Variants in STXBP5L observed in about 807,000 individuals in gnomAD.
The protein encoded by STXBP5L is syntaxin binding protein 5L.
In STXBP5L, 65 loss-of-function variants were observed where a neutral mutation model predicts 144.5. That is an observed-to-expected ratio of 0.45 (90% CI 0.37 to 0.55). STXBP5L has a LOEUF of 0.55. Among genes scored for constraint, STXBP5L ranks in the 20% least tolerant of loss-of-function variants. The pLI, the probability that STXBP5L is intolerant of heterozygous loss-of-function variation, is 0.00. For missense variants in STXBP5L, 1,298 were observed against 1,405.5 expected, an observed-to-expected ratio of 0.92 and a Z score of 1.22; for synonymous variants, 505 against 469.6, an observed-to-expected ratio of 1.08 and a Z score of -0.97.
rs562213798 is a variant in STXBP5L, at chr3:120,951,490, C to T, written c.190-3450C>T. On this transcript the variant is annotated intron_variant, in intron 2 of 26. Transcript: ENST00000471454. ...ACAAACAACCCCATCAAAAAGTGGG[C>T]GAAGGACATGAACAGACACTTCTCA... is the stretch of plus-strand genomic sequence containing the variant. Among the ~76,000 whole-genome samples the T allele has an allele frequency of 1.6e-4, 25 of 151,878 alleles. No homozygotes were observed. The East Asian group carries it at 1.9e-3, about 12-fold the overall frequency.
intron 3 of STXBP5L, among the ~76,000 whole-genome samples, chr3:121,028,306 T>G (rs1292187287): frequency 6.6e-6 from 1 of 152,038 alleles, no homozygotes; most frequent in African/African-American, 2.4e-5. Flanking sequence ...TAGCAGAAAT[T>G]TTTGCAGTAT....
At position 121,318,526 on chromosome 3, in the gene STXBP5L, A is replaced by G; in HGVS notation, c.2162A>G (p.Lys721Arg). 6.4e-7 allele frequency: 1 copy of G among 1,561,592 alleles called. No individual in the cohort carries two copies. The highest frequency in any genetic ancestry group is 8.7e-7 in the Non-Finnish European group (1 of 1,153,464). The change falls in exon 20 of 27, where the codon AAG becomes AGG. Residue 721 changes from lysine to arginine, a missense_variant. By Grantham distance (26) the Lys-to-Arg change is conservative (BLOSUM62 2). Coordinates refer to ENST00000471454, the MANE Select transcript of STXBP5L (RefSeq NM_001308330.2). ...GTTCCCCTAGAACTTGAGCGCTGCA[A>G]GTCTCCTACCTCAGGTAAACATGAG... is the stretch of plus-strand genomic sequence containing the variant. ...SPVPLELERCKSPTSDHVNGH... is the reference protein window; with the variant it reads ...SPVPLELERCRSPTSDHVNGH...
chr3:120,976,676 G>A (rs368221970), intron 3 of STXBP5L, among the ~76,000 whole-genome samples: 3 of 152,162 alleles, frequency 2.0e-5, no homozygotes, highest in East Asian at 1.9e-4. Flanking sequence ...TCTCTTGTGG[G>A]CATTTAGTGC....
chr3:121,292,977 A>T (rs2051500871), intron 19 of STXBP5L, among the ~76,000 whole-genome samples: 1 of 152,196 alleles, frequency 6.6e-6, no homozygotes, highest in African/African-American at 2.4e-5. Flanking sequence ...AGGAATCACC[A>T]CTACTTATCC....
chr3:121,355,419 C>T (rs1313318598), intron 20 of STXBP5L, among the ~76,000 whole-genome samples: 2 of 152,104 alleles, frequency 1.3e-5, no homozygotes, highest in Admixed American at 6.6e-5. Context: ...TGCTTTCTCA[C>T]TTTATTTCAT....
At chr3:121,077,315 C>T (rs548329391) in intron 5 of STXBP5L, among the ~76,000 whole-genome samples, 1 of 152,286 alleles carries the variant, frequency 6.6e-6, no homozygotes, top group South Asian at 2.1e-4. Context: ...GTCTCACTGA[C>T]TTCAAGAATG....
chr3:121,367,790 C>CATTTTTT, intron 20 of STXBP5L, among the ~76,000 whole-genome samples: 1 of 106,288 alleles, frequency 9.4e-6, no homozygotes, highest in Admixed American at 1.2e-4. Flanking sequence ...TTTGCTTTTC[C>CATTTTTT]TTTTTTTTTT....
At chr3:121,049,627 C>T (rs1056080547) in intron 5 of STXBP5L, 1 of 154,336 alleles carries the variant, frequency 6.5e-6, no homozygotes, top group Non-Finnish European at 1.5e-5. Flanking sequence ...GTGGTGGTCT[C>T]ACTAGTGTCC....
chr3:121,018,827 TC>T (rs1945331194), intron 3 of STXBP5L, among the ~76,000 whole-genome samples: 1 of 152,190 alleles, frequency 6.6e-6, no homozygotes, highest in African/African-American at 2.4e-5. Context: ...AACTTTTACT[TC>T]ATGAATTACT....
intron 5 of STXBP5L, among the ~76,000 whole-genome samples, chr3:121,048,145 T>C (rs1053892614): frequency 6.6e-6 from 1 of 152,212 alleles, no homozygotes; most frequent in Non-Finnish European, 1.5e-5. Context: ...GCTTGGAAAT[T>C]GTTTTATTTA....
chr3:121,099,340 C>T (rs1439689291), intron 5 of STXBP5L: 4 of 152,182 alleles, frequency 2.6e-5, no homozygotes, highest in Non-Finnish European at 4.4e-5. Context: ...CTGCAAGCAC[C>T]TGGGCTCAGT....
chr3:120,972,497 A>C (rs887684435), intron 3 of STXBP5L, among the ~76,000 whole-genome samples: 5 of 152,100 alleles, frequency 3.3e-5, no homozygotes, highest in African/African-American at 1.2e-4. Context: ...TGTAGATATA[A>C]GAATATGTCA....
At position 121,139,338 on chromosome 3, in the gene STXBP5L, C is replaced by G. The variant is rs143517359; in HGVS notation, c.670-13139C>G. ...CATTGTTCAAATGTAAAAAAGCACT[C>G]TCTCTTATAAACATGTACAATTACT... On this transcript the variant is annotated intron_variant, in intron 7 of 26. Transcript: ENST00000471454. 4.6e-3 allele frequency among the ~76,000 whole-genome samples: 707 copies of G among 152,156 alleles called. 2 individuals are homozygous for G. Among genetic ancestry groups the G allele is most frequent in the Non-Finnish European group, 6.9e-3 (466 of 67,908 alleles).
chr3:121,360,673 T>C (rs975649579), intron 20 of STXBP5L, among the ~76,000 whole-genome samples: 1 of 152,130 alleles, frequency 6.6e-6, no homozygotes, highest in Non-Finnish European at 1.5e-5. Flanking sequence ...AAAATAAAAC[T>C]AATAAAAACT....
intron 22 of STXBP5L, among the ~76,000 whole-genome samples, chr3:121,396,590 G>A (rs1364744901): frequency 2.6e-5 from 4 of 152,180 alleles, no homozygotes; most frequent in East Asian, 1.9e-4. Context: ...TCCAATCCTC[G>A]AGGATTAACT....
Position 120,984,632 on chromosome 3 carries a change from CTTTTT to C in STXBP5L, c.287+29613_287+29617del, listed in dbSNP as rs35656223. 5.7e-3 allele frequency among the ~76,000 whole-genome samples: 408 copies of C among 72,000 alleles called. 8 individuals carry two copies. The highest frequency in any genetic ancestry group is 0.014 in the African/African-American group (230 of 16,310). 47.2% of individuals were successfully genotyped at this position (72,000 alleles called of 152,430 possible). ...TGGATGCCTTTCATTTCTTTCTTTC[CTTTTT>C]TTTTTTTTTTTTTTTTTGCCTAATT... On this transcript the variant is annotated intron_variant, in intron 3 of 26. Transcript: ENST00000471454.
intron 3 of STXBP5L, among the ~76,000 whole-genome samples, chr3:121,002,493 G>A (rs61798592): frequency 6.6e-6 from 1 of 152,010 alleles, no homozygotes. Flanking sequence ...ATCTTCAGTG[G>A]CCTTTAATTT....
At chr3:121,323,895 A>T (rs1316997577) in intron 20 of STXBP5L, among the ~76,000 whole-genome samples, 1 of 152,150 alleles carries the variant, frequency 6.6e-6, no homozygotes, top group Non-Finnish European at 1.5e-5. Context: ...TGGACGAAGA[A>T]TTGAAAACTT....
At chr3:121,205,260 T>C (rs1391646228) in intron 9 of STXBP5L, among the ~76,000 whole-genome samples, 1 of 152,116 alleles carries the variant, frequency 6.6e-6, no homozygotes, top group Non-Finnish European at 1.5e-5. Context: ...AAGGCCAAGA[T>C]TGAGGGGCAA....
Sources: allele counts gnomAD v4.1 joint callset (sites outside exome capture counted in the v4.1 genomes callset), GRCh38; gene constraint gnomAD v4.1.1; transcripts MANE v1.5; gene names NCBI Gene and HGNC (gene_info 2026-07-23, HGNC 2026-07-21).